Variants in CSMD1 observed in about 807,000 individuals in gnomAD.
CSMD1 encodes the protein CUB and sushi domain-containing protein 1.
In CSMD1, 213 loss-of-function variants were observed where a neutral mutation model predicts 417.5. The ratio of observed to expected loss-of-function variants is 0.51; its 90% CI spans 0.46 to 0.57. The LOEUF (loss-of-function observed/expected upper bound fraction) is 0.57. Among genes scored for constraint, CSMD1 ranks in the 20% least tolerant of loss-of-function variants. The pLI is 0.00. For synonymous variants in CSMD1, 2,862 were observed against 1,736.8 expected (o/e 1.65, Z -16.11); for missense variants, 6,923 against 4,529.7 (o/e 1.53, Z -15.17).
At chr8:4,676,827 T>G (rs1025627339) in intron 1 of CSMD1, among the ~76,000 whole-genome samples, 8 of 151,882 alleles carry the variant, frequency 5.3e-5, no homozygotes, top group Non-Finnish European at 8.8e-5. Flanking sequence ...TTGAATGTTT[T>G]GTTCTTCTGT....
chr8:3,498,725 A>G (rs894112666), intron 10 of CSMD1, among the ~76,000 whole-genome samples: 1 of 152,110 alleles, frequency 6.6e-6, no homozygotes, highest in African/African-American at 2.4e-5. Flanking sequence ...CTTATTCCGA[A>G]AATCCTGTCT....
At chr8:4,408,442 G>C (rs1352341374) in intron 3 of CSMD1, among the ~76,000 whole-genome samples, 1 of 152,272 alleles carries the variant, frequency 6.6e-6, no homozygotes, top group East Asian at 1.9e-4. Context: ...AGAATTGGGA[G>C]AATACAAATA....
chr8:4,692,554 G>A (rs1420450472), intron 1 of CSMD1, among the ~76,000 whole-genome samples: 1 of 152,140 alleles, frequency 6.6e-6, no homozygotes, highest in African/African-American at 2.4e-5. Context: ...CACATGAAGA[G>A]GGCCGGGAAG....
At chr8:4,064,610 G>A (rs546801924) in intron 3 of CSMD1, among the ~76,000 whole-genome samples, 1 of 152,316 alleles carries the variant, frequency 6.6e-6, no homozygotes, top group Admixed American at 6.5e-5. Flanking sequence ...AACGTGGCAA[G>A]GCTCCCAACA....
intron 3 of CSMD1, among the ~76,000 whole-genome samples, chr8:4,240,979 A>G (rs1484811708): frequency 6.6e-6 from 1 of 152,160 alleles, no homozygotes; most frequent in South Asian, 2.1e-4. Context: ...AAGTCTGTTC[A>G]ATTATTTCCA....
At chr8:3,176,524 A>G (rs1035632949) in intron 37 of CSMD1, among the ~76,000 whole-genome samples, 1 of 152,176 alleles carries the variant, frequency 6.6e-6, no homozygotes, top group African/African-American at 2.4e-5. Context: ...TAAGACCCTT[A>G]AAATCTCTAG....
At chr8:4,035,214 A>T (rs1198350043) in intron 3 of CSMD1, among the ~76,000 whole-genome samples, 1 of 152,066 alleles carries the variant, frequency 6.6e-6, no homozygotes, top group Non-Finnish European at 1.5e-5. Context: ...GCTATGATGC[A>T]CGTGTCTGTG....
At position 3,214,669 on chromosome 8, in the gene CSMD1, A is replaced by T; in HGVS notation, c.4695T>A (p.Phe1565Leu). Residue 1565 changes from phenylalanine to leucine, a missense_variant, in exon 30 of 70, where the codon TTT becomes TTA. By Grantham distance (22) the Phe-to-Leu change is conservative. Transcript: ENST00000635120. Reference sequence around the variant, plus strand: ...TCCCATTCATTATATTTCCTGGGTCAAAACAAGCTTCCCGTGGTTTCTCTG... The same window carrying T: ...TCCCATTCATTATATTTCCTGGGTCTAAACAAGCTTCCCGTGGTTTCTCTG... Reference protein sequence around the residue: ...EFKEKPREACFDPGNIMNGTR... With the variant: ...EFKEKPREACLDPGNIMNGTR... 6.4e-7 allele frequency: 1 copy of T among 1,551,336 alleles called. No individual in the cohort carries two copies. The highest frequency in any genetic ancestry group is 8.7e-7 in the Non-Finnish European group (1 of 1,146,848).
At position 4,422,562 on chromosome 8, in the gene CSMD1, G is replaced by C. The variant is rs1377588222; in HGVS notation, c.303-2497C>G. On this transcript the variant is annotated intron_variant, in intron 2 of 69. Transcript: ENST00000635120. ...AAGGATGCTGTCTACAAGTCAGGAA[G>C]AGAGCCCTCACCAGGAACTGACTAT... Among the ~76,000 whole-genome samples, 3 of 152,182 alleles carry C rather than the reference G, an allele frequency of 2.0e-5. No homozygotes were observed. The East Asian group carries it at 5.8e-4, about 29-fold the overall frequency.
chr8:4,929,685 CT>C (rs983832790), intron 1 of CSMD1, among the ~76,000 whole-genome samples: 1 of 152,122 alleles, frequency 6.6e-6, no homozygotes, highest in Non-Finnish European at 1.5e-5. Flanking sequence ...AAAACTTCAG[CT>C]TCTGTTTTAT....
At chr8:3,299,888 C>T (rs1162729307) in intron 25 of CSMD1, among the ~76,000 whole-genome samples, 1 of 152,152 alleles carries the variant, frequency 6.6e-6, no homozygotes, top group Non-Finnish European at 1.5e-5. Context: ...TTTCTATGTA[C>T]TGCTGGTGGT....
At position 4,420,860 on chromosome 8, in the gene CSMD1, C is replaced by T. The variant is rs148313265; in HGVS notation, c.303-795G>A. ...TTTATGTTATAAAATCCACAAACTC[C>T]TGTGCTGTGAAGCCTGGTCTGTCCT... On this transcript the variant is annotated intron_variant, in intron 2 of 69. Transcript: ENST00000635120. 3.3e-5 allele frequency among the ~76,000 whole-genome samples: 5 copies of T among 152,262 alleles called. No individual in the cohort carries two copies. In the East Asian group the frequency reaches 9.7e-4, roughly 29 times the overall value.
At chr8:3,594,307 G>C (rs1407604825) in intron 8 of CSMD1, among the ~76,000 whole-genome samples, 3 of 151,924 alleles carry the variant, frequency 2.0e-5, no homozygotes, top group African/African-American at 7.3e-5. Flanking sequence ...AATTGCTATG[G>C]GAATATTAAC....
At chr8:4,914,524 G>C (rs1185468865) in intron 1 of CSMD1, among the ~76,000 whole-genome samples, 2 of 150,450 alleles carry the variant, frequency 1.3e-5, no homozygotes, top group Non-Finnish European at 2.9e-5. Flanking sequence ...TTTGCAGTGA[G>C]CTGAGATCGC....
intron 26 of CSMD1, among the ~76,000 whole-genome samples, chr8:3,236,406 A>T (rs1162918994): frequency 6.6e-6 from 1 of 152,212 alleles, no homozygotes; most frequent in Non-Finnish European, 1.5e-5. Context: ...AGTTAGCCAG[A>T]TTGGACTAAA....
At chr8:4,501,699 C>A (rs981530911) in intron 2 of CSMD1, among the ~76,000 whole-genome samples, 5 of 152,204 alleles carry the variant, frequency 3.3e-5, no homozygotes, top group Non-Finnish European at 5.9e-5. Flanking sequence ...TGGATTCACA[C>A]TATCTACATT....
At chr8:3,311,023 A>G (rs1226517126) in intron 23 of CSMD1, among the ~76,000 whole-genome samples, 1 of 152,194 alleles carries the variant, frequency 6.6e-6, no homozygotes, top group Non-Finnish European at 1.5e-5. Flanking sequence ...TCAACTTAAC[A>G]AATGAGGTTA....
chr8:4,238,507 G>A (rs965641191), intron 3 of CSMD1, among the ~76,000 whole-genome samples: 8 of 152,182 alleles, frequency 5.3e-5, no homozygotes, highest in Non-Finnish European at 1.0e-4. Flanking sequence ...GGTGACTAGA[G>A]GCACAGGCCC....
chr8:4,403,000 T>C (rs1353607058), intron 3 of CSMD1, among the ~76,000 whole-genome samples: 2 of 151,524 alleles, frequency 1.3e-5, no homozygotes, highest in African/African-American at 2.4e-5. Context: ...TCTTTTGTTG[T>C]TGTTGTTTTT....
Sources: allele counts gnomAD v4.1 joint callset (sites outside exome capture counted in the v4.1 genomes callset), GRCh38; gene constraint gnomAD v4.1.1; transcripts MANE v1.5; gene names NCBI Gene and HGNC (gene_info 2026-07-23, HGNC 2026-07-21).